Variants in RAPGEF1 observed in about 807,000 individuals in gnomAD.
RAPGEF1 encodes CRK SH3-binding GNRP.
RAPGEF1 carries 33 observed loss-of-function variants against 143.3 expected under a neutral mutation model. The observed-to-expected ratio is 0.23, with a 90% CI of 0.17 to 0.31. RAPGEF1 has a LOEUF of 0.31. RAPGEF1 is among the 10% of genes least tolerant of loss of function. The pLI is 1.00. For synonymous variants in RAPGEF1, 629 were observed against 676.5 expected, an observed-to-expected ratio of 0.93 and a Z score of 1.09; for missense variants, 1,199 against 1,645.4, an observed-to-expected ratio of 0.73 and a Z score of 4.69.
intron 7 of RAPGEF1, 27 bp downstream of exon 7, chr9:131,629,075 G>C (rs1270974128): frequency 6.2e-7 from 1 of 1,604,212 alleles, no homozygotes; most frequent in African/African-American, 1.3e-5. Context: ...GCCATGGGAG[G>C]CACTGGACAA....
intron 1 of RAPGEF1, among the ~76,000 whole-genome samples, chr9:131,733,365 C>CG (rs56890673): frequency 0.01 from 763 of 75,292 alleles, 10 homozygotes; most frequent in South Asian, 0.023. Flanking sequence ...GGGGCGGGGG[C>CG]GGGGGGGGGG....
At chr9:131,596,060 A>T (rs1241800273) in intron 17 of RAPGEF1, among the ~76,000 whole-genome samples, 1 of 152,092 alleles carries the variant, frequency 6.6e-6, no homozygotes, top group Non-Finnish European at 1.5e-5. Context: ...AGGACCCTGG[A>T]GGCCCTGGGG....
At chr9:131,721,135 C>T (rs1836235463) in intron 1 of RAPGEF1, among the ~76,000 whole-genome samples, 1 of 152,194 alleles carries the variant, frequency 6.6e-6, no homozygotes, top group South Asian at 2.1e-4. Context: ...TTAGAACAGG[C>T]TGTGGACCTG....
intron 1 of RAPGEF1, chr9:131,725,457 C>G (rs1360314175): frequency 6.6e-6 from 1 of 152,328 alleles, no homozygotes; most frequent in Admixed American, 6.5e-5. Context: ...GCGCACACCA[C>G]CATGCTCAGC....
chr9:131,679,611 T>C (rs2130909718), intron 1 of RAPGEF1, among the ~76,000 whole-genome samples: 1 of 152,350 alleles, frequency 6.6e-6, no homozygotes, highest in Middle Eastern at 3.4e-3. Flanking sequence ...ATTTATCCTC[T>C]ACCAGCTTCT....
intron 15 of RAPGEF1, among the ~76,000 whole-genome samples, chr9:131,600,944 G>A (rs1451877384): frequency 1.3e-5 from 2 of 151,944 alleles, no homozygotes; most frequent in African/African-American, 2.4e-5. Context: ...TCATGAGGTC[G>A]GGAGATTGAG....
At chr9:131,612,059 G>C (rs1958097890) in intron 12 of RAPGEF1, among the ~76,000 whole-genome samples, 1 of 152,184 alleles carries the variant, frequency 6.6e-6, no homozygotes, top group South Asian at 2.1e-4. Context: ...CCTCGATAGG[G>C]AAACAGTAGC....
intron 3 of RAPGEF1, among the ~76,000 whole-genome samples, chr9:131,649,680 G>A (rs1224337096): frequency 6.6e-6 from 1 of 152,152 alleles, no homozygotes; most frequent in African/African-American, 2.4e-5. Flanking sequence ...AGGTGTCTGG[G>A]GCTCTGAGAG....
chr9:131,587,305 AACACACAC>A (rs71374114), intron 22 of RAPGEF1, among the ~76,000 whole-genome samples: 3 of 88,404 alleles, frequency 3.4e-5, no homozygotes, highest in African/African-American at 4.6e-5. Context: ...CTCCGTCTCA[AACACACAC>A]ACACACACAC....
At chr9:131,633,347 G>A (rs927759269) in intron 5 of RAPGEF1, among the ~76,000 whole-genome samples, 1 of 152,170 alleles carries the variant, frequency 6.6e-6, no homozygotes. Context: ...CACAACGCCA[G>A]GCCCCAAAGA....
Position 131,579,477 on chromosome 9 carries a change from C to T in RAPGEF1, c.*20G>A, listed in dbSNP as rs532235008. On this transcript the variant is annotated 3_prime_UTR_variant, in exon 27 of 27. Transcript: ENST00000683357. ...CCCTCTGCGCCCCTCGAGCATTCTC[C>T]TGGATCCCGGCGTCTGCTCCTAGGT... The T allele has an allele frequency of 4.3e-6, 7 of 1,612,526 alleles. No individual in the cohort carries two copies. The Admixed American group carries it at 5.0e-5, about 12-fold the overall frequency.
chr9:131,626,316 C>T lies in RAPGEF1; in HGVS notation c.1308G>A (p.Gly436=). The change falls in exon 10 of 27, where the codon GGG becomes GGA. Residue 436 remains glycine (G), a synonymous_variant. Coordinates refer to ENST00000683357, the MANE Select transcript of RAPGEF1 (RefSeq NM_001377935.1). ...GGCCAAGAAATGGAGACCCAGACTC[C>T]CCCAAAGACTCTGGCAACGGGCTAA... ...WNLSPLPESL[G]ESGSPFLGPP... The T allele has an allele frequency of 3.1e-6, 5 of 1,614,016 alleles. No homozygotes were observed. The highest frequency in any genetic ancestry group is 4.2e-6 in the Non-Finnish European group (5 of 1,179,900).
At chr9:131,598,420 C>T (rs2132401309) in intron 15 of RAPGEF1, 110 bp from the exon 16 acceptor site, 1 of 850,176 alleles carries the variant, frequency 1.2e-6, no homozygotes, top group Non-Finnish European at 2.0e-6. Flanking sequence ...CCGGAACATG[C>T]CTGCCCCGAT....
At chr9:131,606,338 C>T (rs1212462005) in intron 12 of RAPGEF1, among the ~76,000 whole-genome samples, 1 of 152,228 alleles carries the variant, frequency 6.6e-6, no homozygotes, top group Non-Finnish European at 1.5e-5. Flanking sequence ...GGCCTGCCAT[C>T]ATGCTGCTAC....
At chr9:131,706,018 C>G (rs929781729) in intron 1 of RAPGEF1, among the ~76,000 whole-genome samples, 3 of 152,204 alleles carry the variant, frequency 2.0e-5, no homozygotes, top group African/African-American at 7.2e-5. Context: ...TGGTTAAAGT[C>G]TTATTCTCCA....
rs773219351 is a variant in RAPGEF1 at position 131,641,400 on chromosome 9, T to C, written c.494+1839A>G. On this transcript the variant is annotated intron_variant, in intron 4 of 26. Transcript: ENST00000683357. The surrounding 1 kb of genome is among the most constrained non-coding windows in gnomAD (Gnocchi z 4.6). Reference sequence around the variant, plus strand: ...CTCAGTTCCTTTGCTCTTGTTCTCCTGCCCCCACTGCCAATCCAACTGCTG... The same window carrying C: ...CTCAGTTCCTTTGCTCTTGTTCTCCCGCCCCCACTGCCAATCCAACTGCTG... Among the ~76,000 whole-genome samples, 36 of 152,308 alleles carry C rather than the reference T, an allele frequency of 2.4e-4. No individual in the cohort carries two copies. Among genetic ancestry groups the C allele is most frequent in the South Asian group, 1.0e-3 (5 of 4,828 alleles).
At chr9:131,686,897 T>C (rs1052385579) in intron 1 of RAPGEF1, among the ~76,000 whole-genome samples, 2 of 152,250 alleles carry the variant, frequency 1.3e-5, no homozygotes, top group Admixed American at 6.5e-5. Context: ...TACATCGTCA[T>C]ACTATAATTA....
At chr9:131,706,552 G>C (rs934767649) in intron 1 of RAPGEF1, among the ~76,000 whole-genome samples, 1 of 152,166 alleles carries the variant, frequency 6.6e-6, no homozygotes, top group African/African-American at 2.4e-5. Flanking sequence ...TTACAGGTGT[G>C]AGCCACTGCA....
intron 5 of RAPGEF1, among the ~76,000 whole-genome samples, chr9:131,633,139 C>G (rs1965399485): frequency 6.6e-6 from 1 of 152,186 alleles, no homozygotes; most frequent in Admixed American, 6.5e-5. Context: ...GAAAGGAGAA[C>G]CTTAATACTT....
Sources: gnomAD v4.1 joint callset for allele counts (sites outside exome capture counted in the v4.1 genomes callset) on GRCh38, gnomAD v4.1.1 for gene constraint, Gnocchi (gnomAD v3.1) non-coding constraint, MANE v1.5 for transcripts, NCBI Gene and HGNC (gene_info 2026-07-23, HGNC 2026-07-21) for gene names.